The following C12orf42 variants were observed in gnomAD, a reference collection of about 807,000 sequenced individuals.
C12orf42 encodes uncharacterized protein C12orf42.
A neutral mutation model predicts 21.6 loss-of-function variants in C12orf42; 25 were observed. The observed-to-expected ratio is 1.16, with a 90% CI of 0.84 to 1.62. C12orf42 has a LOEUF of 1.62. Ranked by LOEUF, C12orf42 falls within the 40% of genes most tolerant of loss-of-function variation. The pLI, the probability that C12orf42 is intolerant of heterozygous loss-of-function variation, is 0.00. For missense variants in C12orf42, 483 were observed against 459.3 expected, an observed-to-expected ratio of 1.05 and a Z score of -0.47; for synonymous variants, 174 against 175.0, an observed-to-expected ratio of 0.99 and a Z score of 0.05.
intron 2 of C12orf42, among the ~76,000 whole-genome samples, chr12:103,458,130 C>A (rs1041464198): frequency 6.6e-6 from 1 of 152,154 alleles, no homozygotes; most frequent in African/African-American, 2.4e-5. Context: ...CCAAGCACAT[C>A]CATGCATAAT....
At chr12:103,459,611 T>A (rs1428590119) in intron 2 of C12orf42, among the ~76,000 whole-genome samples, 1 of 152,190 alleles carries the variant, frequency 6.6e-6, no homozygotes, top group East Asian at 1.9e-4. Context: ...CAGTTAAACC[T>A]TTTTTCTTAA....
the C12orf42 span, among the ~76,000 whole-genome samples, chr12:103,190,773 C>T: frequency 1.3e-5 from 2 of 151,792 alleles, no homozygotes; most frequent in African/African-American, 2.4e-5. Context: ...GTGACACCAT[C>T]GAGTAAACCA....
At chr12:103,495,649 G>T (rs1253523345) in intron 1 of C12orf42, 1 of 150,980 alleles carries the variant, frequency 6.6e-6, no homozygotes, top group East Asian at 2.0e-4. Context: ...CCGGGCCGAG[G>T]CGGCGAGGTG....
chr12:103,535,576 G>T, the C12orf42 span, among the ~76,000 whole-genome samples: 2 of 151,404 alleles, frequency 1.3e-5, no homozygotes, highest in Non-Finnish European at 1.5e-5. Flanking sequence ...CTCTTCAAAG[G>T]GTTTAAAGTA....
chr12:103,085,725 G>A, the C12orf42 span, among the ~76,000 whole-genome samples: 1 of 152,058 alleles, frequency 6.6e-6, no homozygotes, highest in Admixed American at 6.5e-5. Context: ...GAAAGTAGTA[G>A]GCCTCAGCTT....
chr12:103,436,310 AAGACCATCG>A (rs922066915), intron 2 of C12orf42, among the ~76,000 whole-genome samples: 29 of 152,216 alleles, frequency 1.9e-4, no homozygotes, highest in African/African-American at 7.0e-4. Flanking sequence ...CCAAAATGTA[AAGACCATCG>A]AGACTAGGAA....
the C12orf42 span, among the ~76,000 whole-genome samples, chr12:103,068,875 CTA>C: frequency 3.9e-5 from 5 of 128,776 alleles, no homozygotes; most frequent in African/African-American, 5.8e-5. Flanking sequence ...ACTCCTCTCT[CTA>C]TATATATATA....
the C12orf42 span, among the ~76,000 whole-genome samples, chr12:103,204,009 A>G: frequency 6.6e-6 from 1 of 152,178 alleles, no homozygotes. Context: ...TGATAAAATC[A>G]TTTCTTCAGC....
chr12:103,348,613 T>C (rs915084837), intron 4 of C12orf42, among the ~76,000 whole-genome samples: 4 of 152,172 alleles, frequency 2.6e-5, no homozygotes, highest in Admixed American at 6.6e-5. Context: ...GAGAAGGTTG[T>C]CTTGAAGGCT....
intron 2 of C12orf42, among the ~76,000 whole-genome samples, chr12:103,465,751 C>T (rs1183775297): frequency 6.6e-6 from 1 of 151,838 alleles, no homozygotes; most frequent in East Asian, 1.9e-4. Flanking sequence ...ATAAATGGCT[C>T]TCATTTTGAG....
In C12orf42 at chr12:103,295,425, T is replaced by A. The variant is rs948617587; in HGVS notation, n.338-18215A>T. Among the ~76,000 whole-genome samples the A allele has an allele frequency of 2.9e-4, 44 of 152,020 alleles. 2 individuals carry two copies. The highest frequency in any genetic ancestry group is 2.6e-3 in the Admixed American group (40 of 15,262). On this transcript the variant is annotated intron_variant and non_coding_transcript_variant, in intron 4 of 6. Coordinates refer to the C12orf42 transcript ENST00000546526. ...CAACTGCATACATTGTTTTTTTTTT[T>A]AACATATAACTTGCTTTGAATAAGA...
At chr12:103,228,199 A>G in the C12orf42 span, among the ~76,000 whole-genome samples, 1 of 152,140 alleles carries the variant, frequency 6.6e-6, no homozygotes, top group African/African-American at 2.4e-5. Flanking sequence ...TGAGTCCAAA[A>G]GAGAGTCAGC....
At chr12:103,130,774 T>C in the C12orf42 span, among the ~76,000 whole-genome samples, 1 of 152,200 alleles carries the variant, frequency 6.6e-6, no homozygotes, top group African/African-American at 2.4e-5. Context: ...TCATTGGATG[T>C]GGACTGATCC....
chr12:103,195,861 G>C, the C12orf42 span, among the ~76,000 whole-genome samples: 49 of 152,010 alleles, frequency 3.2e-4, no homozygotes, highest in African/African-American at 1.1e-3. Context: ...ATCTTTGCCA[G>C]AGCCTATATT....
chr12:103,542,789 A>G, the C12orf42 span, among the ~76,000 whole-genome samples: 3 of 152,246 alleles, frequency 2.0e-5, no homozygotes, highest in Non-Finnish European at 4.4e-5. Context: ...CCCTCCAAAT[A>G]TCACCTCTTT....
intron 2 of C12orf42, among the ~76,000 whole-genome samples, chr12:103,440,987 A>G (rs1442674280): frequency 6.6e-6 from 1 of 152,208 alleles, no homozygotes. Context: ...ATTTGGGAAT[A>G]TTAACACATG....
chr12:103,417,472 C>T (rs539937883), intron 2 of C12orf42, among the ~76,000 whole-genome samples: 18 of 152,254 alleles, frequency 1.2e-4, no homozygotes, highest in African/African-American at 4.1e-4. Flanking sequence ...ATCTTTCAGC[C>T]TTAGCCTCCA....
At chr12:103,463,856 A>G (rs1952909129) in intron 2 of C12orf42, among the ~76,000 whole-genome samples, 1 of 152,176 alleles carries the variant, frequency 6.6e-6, no homozygotes, top group Non-Finnish European at 1.5e-5. Context: ...TAGTTTGCTG[A>G]GGATAATGGC....
the C12orf42 span, among the ~76,000 whole-genome samples, chr12:103,174,790 A>G: frequency 6.6e-6 from 1 of 152,204 alleles, no homozygotes; most frequent in Non-Finnish European, 1.5e-5. Flanking sequence ...TATTAATAAA[A>G]TTCAGTGACT....
Sources: allele counts gnomAD v4.1 joint callset (sites outside exome capture counted in the v4.1 genomes callset), GRCh38; gene constraint gnomAD v4.1.1; transcripts MANE v1.5; gene names NCBI Gene and HGNC (gene_info 2026-07-23, HGNC 2026-07-21).